The following TENM1 variants were observed in gnomAD, a reference collection of about 807,000 sequenced individuals.
TENM1 encodes the protein teneurin transmembrane protein 1, also known as teneurin-1.
Under a neutral mutation model 174.8 loss-of-function variants are expected in TENM1, and 35 were observed. The ratio of observed to expected loss-of-function variants is 0.20; its 90% CI spans 0.15 to 0.27. The LOEUF (loss-of-function observed/expected upper bound fraction) is 0.27, where lower values mean the gene tolerates loss of function less well. TENM1 is among the 10% of genes least tolerant of loss of function. The pLI is 1.00. For synonymous variants in TENM1, 781 were observed against 798.7 expected (o/e 0.98, Z 0.37); for missense variants, 1,633 against 2,130.1 (o/e 0.77, Z 4.59).
Position 124,963,801 on chromosome X carries a change from C to A in TENM1, c.-48G>T. 1 of 1,048,777 alleles carries A rather than the reference C, an allele frequency of 9.5e-7. No homozygotes were observed. Among genetic ancestry groups the A allele is most frequent in the Non-Finnish European group, 1.3e-6 (1 of 754,683 alleles). 86.4% of individuals were successfully genotyped at this position (1,048,777 alleles called of 1,213,427 possible). A position where few individuals can be genotyped will look rare whatever the true frequency, so the allele number is the denominator to read the frequency against. ...TCATGAAAAAAAGGATGAGGAAGTC[C>A]TTTAATGCAAGCAGTCCTGGAAGAG... On this transcript the variant is annotated 5_prime_UTR_variant, in exon 1 of 32. The change creates a new upstream start codon in the 5' untranslated region. Transcript: ENST00000422452.
the TENM1 span, among the ~76,000 whole-genome samples, chrX:125,139,333 G>A: frequency 4.5e-5 from 5 of 111,175 alleles, no homozygotes; most frequent in South Asian, 3.8e-4. Flanking sequence ...GTCATCATCC[G>A]TGAAGTATAG....
chrX:125,033,247 A>G, the TENM1 span, among the ~76,000 whole-genome samples: 1 of 111,604 alleles, frequency 9.0e-6, no homozygotes, highest in South Asian at 3.8e-4. Context: ...AGTATCATAT[A>G]TGAAAATGTT....
the TENM1 span, among the ~76,000 whole-genome samples, chrX:125,046,285 T>C: frequency 2.7e-5 from 3 of 112,309 alleles, no homozygotes; most frequent in East Asian, 8.5e-4. Context: ...TTGACTTTAG[T>C]CAAAAAACCT....
chrX:125,072,499 T>A, the TENM1 span, among the ~76,000 whole-genome samples: 1 of 111,604 alleles, frequency 9.0e-6, no homozygotes, highest in Non-Finnish European at 1.9e-5. Flanking sequence ...TCTCACTTCA[T>A]TTTTTAAAAA....
the TENM1 span, among the ~76,000 whole-genome samples, chrX:125,102,246 TTC>T: frequency 9.2e-6 from 1 of 108,879 alleles, no homozygotes; most frequent in Non-Finnish European, 1.9e-5. Flanking sequence ...TTTTTTTTTT[TTC>T]CAGGAACAAT....
chrX:124,474,938 T>C (rs187737599), intron 22 of TENM1, among the ~76,000 whole-genome samples: 1 of 111,822 alleles, frequency 8.9e-6, no homozygotes. Context: ...ACAACAAATA[T>C]TTTGCCTGAA....
the TENM1 span, among the ~76,000 whole-genome samples, chrX:124,990,812 G>T: frequency 8.9e-6 from 1 of 111,986 alleles, no homozygotes; most frequent in Non-Finnish European, 1.9e-5. Flanking sequence ...ATGTAGAAAA[G>T]ATACAATTTA....
chrX:124,799,444 T>A (rs2055389039), intron 3 of TENM1, among the ~76,000 whole-genome samples: 1 of 111,285 alleles, frequency 9.0e-6, no homozygotes. Flanking sequence ...TATTTTATTC[T>A]CTTTGTAGCA....
At chrX:124,903,505 A>G (rs1255261209) in intron 1 of TENM1, among the ~76,000 whole-genome samples, 1 of 112,297 alleles carries the variant, frequency 8.9e-6, no homozygotes, top group Non-Finnish European at 1.9e-5. Context: ...AGAGATTAAA[A>G]TATCCTTCAG....
At chrX:124,470,009 G>A (rs914713728) in intron 22 of TENM1, among the ~76,000 whole-genome samples, 2 of 111,544 alleles carry the variant, frequency 1.8e-5, no homozygotes, top group African/African-American at 6.5e-5. Context: ...ATTGAGAGCT[G>A]CTGAGGGTAT....
At chrX:124,481,007 A>G (rs1277358227) in intron 22 of TENM1, among the ~76,000 whole-genome samples, 6 of 111,773 alleles carry the variant, frequency 5.4e-5, no homozygotes, top group Non-Finnish European at 1.1e-4. Flanking sequence ...TGGGAGACAC[A>G]GATTTGTTCA....
chrX:124,475,563 C>A (rs896847516), intron 22 of TENM1, among the ~76,000 whole-genome samples: 1 of 111,938 alleles, frequency 8.9e-6, no homozygotes, highest in African/African-American at 3.2e-5. Flanking sequence ...GGGTCACCAA[C>A]GAACTCCTCA....
At chrX:125,142,454 G>A in the TENM1 span, among the ~76,000 whole-genome samples, 1 of 111,449 alleles carries the variant, frequency 9.0e-6, no homozygotes, top group Non-Finnish European at 1.9e-5. Flanking sequence ...AGGCCTAGCA[G>A]AAGGCAAAGC....
chrX:124,896,528 G>A (rs1356621266), intron 1 of TENM1, among the ~76,000 whole-genome samples: 1 of 111,622 alleles, frequency 9.0e-6, no homozygotes, highest in Non-Finnish European at 1.9e-5. Context: ...TGAAATAAGT[G>A]AGTGCAGAGG....
At chrX:125,114,908 G>A in the TENM1 span, among the ~76,000 whole-genome samples, 4 of 111,621 alleles carry the variant, frequency 3.6e-5, no homozygotes, top group Non-Finnish European at 7.5e-5. Flanking sequence ...GCATCATCCT[G>A]ATACCAAAAC....
intron 3 of TENM1, among the ~76,000 whole-genome samples, chrX:124,781,924 G>T (rs2054921695): frequency 8.9e-6 from 1 of 111,791 alleles, no homozygotes; most frequent in African/African-American, 3.3e-5. Context: ...TTCCAAGGAA[G>T]AAGTTAGACC....
At chrX:124,918,133 G>T (rs2057956584) in intron 1 of TENM1, among the ~76,000 whole-genome samples, 1 of 110,969 alleles carries the variant, frequency 9.0e-6, no homozygotes, top group Non-Finnish European at 1.9e-5. Context: ...TACAGGAATT[G>T]ATATTTGCAA....
the TENM1 span, among the ~76,000 whole-genome samples, chrX:125,015,641 T>C: frequency 9.0e-6 from 1 of 111,101 alleles, no homozygotes; most frequent in Non-Finnish European, 1.9e-5. Flanking sequence ...GAGTGAAACC[T>C]GATATTGGAA....
At chrX:125,027,611 C>CTTTTTTTTT in the TENM1 span, among the ~76,000 whole-genome samples, 7 of 83,087 alleles carry the variant, frequency 8.4e-5, no homozygotes, top group African/African-American at 1.8e-4. Flanking sequence ...TTTTCTTTTT[C>CTTTTTTTTT]TTTTTTTTTT....
Sources: allele counts gnomAD v4.1 joint callset (sites outside exome capture counted in the v4.1 genomes callset), GRCh38; gene constraint gnomAD v4.1.1; transcripts MANE v1.5; gene names NCBI Gene and HGNC (gene_info 2026-07-23, HGNC 2026-07-21).